The following ARID1B variants were observed in gnomAD, a reference collection of about 807,000 sequenced individuals.
ARID1B encodes the protein AT-rich interaction domain 1B, also known as AT-rich interactive domain-containing protein 1B.
A neutral mutation model predicts 212.3 loss-of-function variants in ARID1B; 30 were observed. The observed-to-expected ratio is 0.14, with a 90% CI of 0.11 to 0.19. The LOEUF (loss-of-function observed/expected upper bound fraction) is 0.19. Among genes scored for constraint, ARID1B ranks in the 10% least tolerant of loss-of-function variants. The probability of loss-of-function intolerance (pLI) is 1.00; values close to 1 mark genes in which losing one functional copy is unlikely to be tolerated. For missense variants in ARID1B, 2,891 were observed against 3,204.0 expected (o/e 0.90, Z 2.36); for synonymous variants, 1,402 against 1,301.7 (o/e 1.08, Z -1.66).
chr6:156,881,451 G>A (rs1489379292), intron 2 of ARID1B, among the ~76,000 whole-genome samples: 2 of 152,152 alleles, frequency 1.3e-5, no homozygotes, highest in African/African-American at 4.8e-5. Context: ...TGTATACAAT[G>A]TATGCACACA....
At chr6:157,021,157 C>G (rs62424279) in intron 4 of ARID1B, among the ~76,000 whole-genome samples, 5,999 of 152,150 alleles carry the variant, frequency 0.039, 147 homozygotes, top group Non-Finnish European at 0.056. Flanking sequence ...GACGCAGGAC[C>G]GCTTTCAGGC....
At chr6:157,079,969 C>G (rs1352598317) in intron 4 of ARID1B, among the ~76,000 whole-genome samples, 2 of 152,206 alleles carry the variant, frequency 1.3e-5, no homozygotes, top group African/African-American at 4.8e-5. Flanking sequence ...GACCACTGAA[C>G]TGGCGTTTTA....
At chr6:157,058,287 C>T (rs1484658064) in intron 4 of ARID1B, among the ~76,000 whole-genome samples, 9 of 144,398 alleles carry the variant, frequency 6.2e-5, no homozygotes, top group Middle Eastern at 6.9e-3. Flanking sequence ...TTTTTTGAGA[C>T]GAAGTCTCAC....
chr6:156,882,943 A>G (rs747727782), intron 2 of ARID1B, among the ~76,000 whole-genome samples: 1 of 152,244 alleles, frequency 6.6e-6, no homozygotes, highest in Non-Finnish European at 1.5e-5. Flanking sequence ...AGGATAGAGA[A>G]CAAAGTAAGG....
intron 2 of ARID1B, among the ~76,000 whole-genome samples, chr6:156,880,695 G>C (rs1464759088): frequency 7.3e-6 from 1 of 136,150 alleles, no homozygotes; most frequent in East Asian, 2.1e-4. Flanking sequence ...AGCCAAGATC[G>C]TGCAACTGCA....
At chr6:156,832,898 A>T (rs950558694) in intron 2 of ARID1B, among the ~76,000 whole-genome samples, 3 of 151,788 alleles carry the variant, frequency 2.0e-5, no homozygotes, top group Non-Finnish European at 4.4e-5. Flanking sequence ...TGATAATAGT[A>T]CATCATTTTA....
At chr6:157,125,484 A>G (rs1339534807) in intron 6 of ARID1B, among the ~76,000 whole-genome samples, 1 of 152,202 alleles carries the variant, frequency 6.6e-6, no homozygotes, top group East Asian at 1.9e-4. Flanking sequence ...TTCCAAGTCC[A>G]TGCCTTGGGA....
chr6:156,802,598 C>G (rs1780866815), intron 1 of ARID1B, among the ~76,000 whole-genome samples: 1 of 152,164 alleles, frequency 6.6e-6, no homozygotes, highest in Non-Finnish European at 1.5e-5. Context: ...TATTTAGGTT[C>G]TTAGGTTAGG....
At chr6:157,019,594 C>T (rs1198649284) in intron 4 of ARID1B, among the ~76,000 whole-genome samples, 6 of 152,182 alleles carry the variant, frequency 3.9e-5, no homozygotes, top group Admixed American at 3.3e-4. Context: ...AGCCTGGTGG[C>T]TTTTGCTTTC....
chr6:156,856,995 T>G (rs1243127258), intron 2 of ARID1B, among the ~76,000 whole-genome samples: 1 of 152,024 alleles, frequency 6.6e-6, no homozygotes, highest in Non-Finnish European at 1.5e-5. Context: ...GCAGTTGGAT[T>G]TATGGGAGCC....
At chr6:156,937,110 T>C (rs955931152) in intron 4 of ARID1B, 7 of 152,028 alleles carry the variant, frequency 4.6e-5, no homozygotes, top group African/African-American at 1.7e-4. Flanking sequence ...TATTTGGTTT[T>C]GAAGGAGGGA....
At position 157,190,241 on chromosome 6, in the gene ARID1B, G is replaced by C. The variant is rs770807623; in HGVS notation, c.4231+31G>C. The C allele has an allele frequency of 6.3e-7, 1 of 1,583,228 alleles. No homozygotes were observed. Among genetic ancestry groups the C allele is most frequent in the Non-Finnish European group, 8.6e-7 (1 of 1,169,146 alleles). On this transcript the variant is annotated intron_variant, in intron 15 of 19. Coordinates refer to ENST00000636930, the MANE Select transcript of ARID1B (RefSeq NM_001374828.1). The surrounding 1 kb of genome is among the most constrained non-coding windows in gnomAD (Gnocchi z 4.6). ...TGTAGAGGGGCCTCCACCCGGCCAT[G>C]GACCAGTGGGCATTCTACTCTCTGC...
intron 2 of ARID1B, among the ~76,000 whole-genome samples, chr6:156,888,298 G>T (rs913226166): frequency 6.6e-6 from 1 of 152,206 alleles, no homozygotes; most frequent in Non-Finnish European, 1.5e-5. Flanking sequence ...TGCTTCCCGA[G>T]TGTTTTCTGT....
At chr6:157,151,424 C>A (rs1790190759) in intron 8 of ARID1B, 2 of 152,116 alleles carry the variant, frequency 1.3e-5, no homozygotes, top group African/African-American at 4.8e-5. Context: ...ATGTCTGTGC[C>A]AAAAACTTCT....
At chr6:156,891,637 G>C (rs1038726127) in intron 2 of ARID1B, among the ~76,000 whole-genome samples, 5 of 151,998 alleles carry the variant, frequency 3.3e-5, no homozygotes, top group African/African-American at 9.7e-5. Flanking sequence ...AGTAATATAT[G>C]GACAGAACTT....
At chr6:157,086,912 C>T (rs770104749) in intron 5 of ARID1B, among the ~76,000 whole-genome samples, 25 of 152,208 alleles carry the variant, frequency 1.6e-4, no homozygotes, top group South Asian at 8.3e-4. Context: ...CAGATGCGTG[C>T]GGACGGAGAG....
At chr6:156,944,321 G>A (rs1315181379) in intron 4 of ARID1B, among the ~76,000 whole-genome samples, 1 of 152,142 alleles carries the variant, frequency 6.6e-6, no homozygotes, top group African/African-American at 2.4e-5. Context: ...CTTATTGAGG[G>A]ATTTGGGGTT....
intron 4 of ARID1B, among the ~76,000 whole-genome samples, chr6:157,073,680 AG>A (rs1784124084): frequency 6.6e-6 from 1 of 152,224 alleles, no homozygotes; most frequent in Non-Finnish European, 1.5e-5. Flanking sequence ...CAGTGAACTT[AG>A]GTAACTTGCT....
intron 4 of ARID1B, among the ~76,000 whole-genome samples, chr6:156,963,115 T>C (rs1049224260): frequency 2.0e-5 from 3 of 152,146 alleles, no homozygotes; most frequent in Non-Finnish European, 2.9e-5. Flanking sequence ...TAGTTAGTTA[T>C]AGTTTATTTT....
Sources: allele counts gnomAD v4.1 joint callset (sites outside exome capture counted in the v4.1 genomes callset), GRCh38; gene constraint gnomAD v4.1.1; non-coding constraint Gnocchi (gnomAD v3.1); transcripts MANE v1.5; gene names NCBI Gene and HGNC (gene_info 2026-07-23, HGNC 2026-07-21).